Variants in NRXN3 observed in about 807,000 individuals in gnomAD.
NRXN3 encodes neurexin 3.
NRXN3 carries 32 observed loss-of-function variants against 137.6 expected under a neutral mutation model. The ratio of observed to expected loss-of-function variants is 0.23; its 90% CI spans 0.18 to 0.31. The LOEUF (loss-of-function observed/expected upper bound fraction) is 0.31. Ranked by LOEUF, NRXN3 falls within the 10% of genes least tolerant of loss-of-function variation. The pLI, the probability that NRXN3 is intolerant of heterozygous loss-of-function variation, is 1.00. For synonymous variants in NRXN3, 798 were observed against 784.5 expected, an observed-to-expected ratio of 1.02 and a Z score of -0.29; for missense variants, 1,574 against 2,062.5, an observed-to-expected ratio of 0.76 and a Z score of 4.59.
chr14:79,543,493 C>T (rs143244847), intron 16 of NRXN3, among the ~76,000 whole-genome samples: 3 of 152,238 alleles, frequency 2.0e-5, no homozygotes, highest in Admixed American at 2.0e-4. Context: ...TGTGGTTTCC[C>T]TTGTGGAAAT....
At chr14:78,978,718 A>C (rs2099478952) in intron 14 of NRXN3, among the ~76,000 whole-genome samples, 1 of 148,012 alleles carries the variant, frequency 6.8e-6, no homozygotes, top group South Asian at 2.1e-4. Flanking sequence ...CTTATATATA[A>C]TATATAAAAT....
At chr14:78,221,747 A>G (rs1459459374) in intron 1 of NRXN3, among the ~76,000 whole-genome samples, 1 of 152,118 alleles carries the variant, frequency 6.6e-6, no homozygotes, top group African/African-American at 2.4e-5. Flanking sequence ...AGCTCTGGTC[A>G]TTGACCTGTT....
chr14:79,395,506 T>C (rs1431763781), intron 15 of NRXN3, among the ~76,000 whole-genome samples: 2 of 151,638 alleles, frequency 1.3e-5, no homozygotes, highest in African/African-American at 4.8e-5. Flanking sequence ...TGTGTGTGTA[T>C]AAAAAAAATG....
At chr14:78,380,348 C>T (rs544737453) in intron 4 of NRXN3, among the ~76,000 whole-genome samples, 165 of 148,196 alleles carry the variant, frequency 1.1e-3, no homozygotes, top group African/African-American at 3.9e-3. Flanking sequence ...ACATCTTAAT[C>T]CCTGGAATCT....
intron 1 of NRXN3, among the ~76,000 whole-genome samples, chr14:78,189,569 G>A (rs979168149): frequency 3.9e-5 from 6 of 152,042 alleles, no homozygotes; most frequent in Non-Finnish European, 5.9e-5. Flanking sequence ...CCTTTGTCCC[G>A]GCAATTTTCC....
chr14:79,575,350 A>G (rs1230174517), intron 16 of NRXN3, among the ~76,000 whole-genome samples: 1 of 152,190 alleles, frequency 6.6e-6, no homozygotes, highest in Non-Finnish European at 1.5e-5. Flanking sequence ...CAAGAACTGA[A>G]GACATAAACA....
At chr14:79,261,241 T>C (rs1233581072) in intron 15 of NRXN3, among the ~76,000 whole-genome samples, 1 of 152,098 alleles carries the variant, frequency 6.6e-6, no homozygotes, top group Non-Finnish European at 1.5e-5. Flanking sequence ...AAGCAGAACA[T>C]AATTCAATTC....
chr14:79,762,640 G>A (rs902099274), intron 19 of NRXN3, among the ~76,000 whole-genome samples: 2 of 151,512 alleles, frequency 1.3e-5, no homozygotes, highest in Non-Finnish European at 2.9e-5. Flanking sequence ...GTTTGTGAAA[G>A]GAAGATCTAA....
rs1163720240 is a variant in NRXN3 at position 78,990,361 on chromosome 14, A to ATTTTTTTT, written c.3262+2238_3262+2245dup. On this transcript the variant is annotated intron_variant, in intron 15 of 20. Transcript: ENST00000335750. ...CATGCAAATGATGAAGTTCACATCT[A>ATTTTTTTT]TTTTTTTTTTTTTTTTTTTTTTTTT... 2.6e-4 allele frequency among the ~76,000 whole-genome samples: 20 copies of ATTTTTTTT among 76,064 alleles called. 1 individual carries two copies. The highest frequency in any genetic ancestry group is 7.8e-4 in the East Asian group (2 of 2,578). 49.9% of individuals were successfully genotyped at this position (76,064 alleles called of 152,430 possible). A position where few individuals can be genotyped will look rare whatever the true frequency, so the allele number is the denominator to read the frequency against.
intron 8 of NRXN3, among the ~76,000 whole-genome samples, chr14:78,794,933 C>T (rs1426165828): frequency 4.3e-5 from 1 of 23,414 alleles, no homozygotes; most frequent in Non-Finnish European, 1.2e-4. Flanking sequence ...AACAAACAAA[C>T]AAACAAAAAA....
intron 15 of NRXN3, chr14:79,199,978 A>C (rs2065732517): frequency 6.6e-6 from 1 of 152,224 alleles, no homozygotes; most frequent in Non-Finnish European, 1.5e-5. Flanking sequence ...GACGTGTGCT[A>C]TATAATAGAA....
intron 4 of NRXN3, among the ~76,000 whole-genome samples, chr14:78,549,277 G>A (rs868512000): frequency 2.0e-5 from 3 of 152,138 alleles, no homozygotes; most frequent in Non-Finnish European, 4.4e-5. Flanking sequence ...ATGAGTCTTC[G>A]TTTATCCAAA....
At chr14:79,790,942 C>A (rs1232252708) in intron 19 of NRXN3, among the ~76,000 whole-genome samples, 1 of 152,108 alleles carries the variant, frequency 6.6e-6, no homozygotes, top group Non-Finnish European at 1.5e-5. Context: ...AGCCACCTCA[C>A]CCGGTCCAGC....
At chr14:78,400,530 A>G (rs1327742999) in intron 4 of NRXN3, among the ~76,000 whole-genome samples, 1 of 152,200 alleles carries the variant, frequency 6.6e-6, no homozygotes, top group African/African-American at 2.4e-5. Context: ...TACCGCAAAA[A>G]TACATGGGCC....
At chr14:78,428,123 G>C (rs1043083545) in intron 4 of NRXN3, among the ~76,000 whole-genome samples, 1 of 152,192 alleles carries the variant, frequency 6.6e-6, no homozygotes, top group African/African-American at 2.4e-5. Context: ...TGAGGTAAAA[G>C]TCAAAACCAC....
chr14:78,368,150 G>A (rs1308306744), intron 4 of NRXN3, among the ~76,000 whole-genome samples: 1 of 152,172 alleles, frequency 6.6e-6, no homozygotes, highest in Non-Finnish European at 1.5e-5. Flanking sequence ...AATTAGGCTG[G>A]CCTTCCTTAT....
At chr14:79,506,039 G>C (rs2096874943) in intron 16 of NRXN3, among the ~76,000 whole-genome samples, 1 of 152,132 alleles carries the variant, frequency 6.6e-6, no homozygotes, top group Non-Finnish European at 1.5e-5. Context: ...ATGATTCTTT[G>C]AAGAATCAAG....
chr14:79,839,120 C>A (rs892355523), intron 20 of NRXN3, among the ~76,000 whole-genome samples: 1 of 151,990 alleles, frequency 6.6e-6, no homozygotes, highest in Non-Finnish European at 1.5e-5. Flanking sequence ...TCTTTCTAGG[C>A]TTTAAGCAGA....
At chr14:79,585,754 G>A (rs957707488) in intron 16 of NRXN3, among the ~76,000 whole-genome samples, 5 of 149,632 alleles carry the variant, frequency 3.3e-5, no homozygotes, top group Admixed American at 2.7e-4. Context: ...GATAGGGACC[G>A]AATGGGGGTA....
Sources: allele counts gnomAD v4.1 joint callset (sites outside exome capture counted in the v4.1 genomes callset), GRCh38; gene constraint gnomAD v4.1.1; transcripts MANE v1.5; gene names NCBI Gene and HGNC (gene_info 2026-07-23, HGNC 2026-07-21).